Variants in PIAS1 observed in about 807,000 individuals in gnomAD.
The protein encoded by PIAS1 is protein inhibitor of activated STAT 1.
A neutral mutation model predicts 71.3 loss-of-function variants in PIAS1; 6 were observed. The ratio of observed to expected loss-of-function variants is 0.08; its 90% CI spans 0.05 to 0.17. The LOEUF (loss-of-function observed/expected upper bound fraction) is 0.17. PIAS1 is among the 10% of genes least tolerant of loss of function. PIAS1 has a pLI of 1.00. For synonymous variants in PIAS1, 303 were observed against 292.9 expected (o/e 1.03, Z -0.35); for missense variants, 555 against 793.6 (o/e 0.70, Z 3.61).
intron 2 of PIAS1, among the ~76,000 whole-genome samples, chr15:68,108,947 A>G (rs1163722918): frequency 6.6e-6 from 1 of 152,174 alleles, no homozygotes. Flanking sequence ...TTCCCTGTAT[A>G]ATATTCTGAA....
chr15:68,138,100 T>A (rs1282926638), intron 2 of PIAS1, among the ~76,000 whole-genome samples: 1 of 152,236 alleles, frequency 6.6e-6, no homozygotes, highest in East Asian at 1.9e-4. Flanking sequence ...CAGTGAGCTA[T>A]GATCATGCCA....
intron 7 of PIAS1, among the ~76,000 whole-genome samples, chr15:68,158,568 T>G (rs2092905779): frequency 6.6e-6 from 1 of 152,168 alleles, no homozygotes; most frequent in Non-Finnish European, 1.5e-5. Flanking sequence ...GAATTTAATC[T>G]TATTTTTTTT....
intron 1 of PIAS1, among the ~76,000 whole-genome samples, chr15:68,067,506 T>C (rs1179995755): frequency 2.0e-5 from 3 of 152,088 alleles, no homozygotes; most frequent in Non-Finnish European, 2.9e-5. Flanking sequence ...TTTGTTTCTC[T>C]TTATGGGGGG....
chr15:68,171,124 A>G lies in PIAS1; in HGVS notation c.1009-2608A>G, dbSNP rs1446050471. Among the ~76,000 whole-genome samples the G allele has an allele frequency of 6.6e-6, 1 of 151,892 alleles. No homozygotes were observed. The highest frequency in any genetic ancestry group is 1.9e-4 in the East Asian group (1 of 5,188). On this transcript the variant is annotated intron_variant, in intron 8 of 13. Coordinates refer to ENST00000249636, the MANE Select transcript of PIAS1 (RefSeq NM_016166.3). This position sits in a 1 kb window ranked among gnomAD's most constrained non-coding sequence, Gnocchi z 4.4. ...TTTTTACTTTTATTTTCTACTTTTT[A>G]AACTTTTTTGTTAAAAACAAAGACA...
At chr15:68,161,068 T>C (rs2092920557) in intron 7 of PIAS1, among the ~76,000 whole-genome samples, 4 of 152,116 alleles carry the variant, frequency 2.6e-5, no homozygotes, top group Admixed American at 2.6e-4. Context: ...CCAAAGAATC[T>C]CCAAAAAAGC....
intron 2 of PIAS1, chr15:68,087,828 T>C (rs768110892): frequency 2.7e-6 from 1 of 364,942 alleles, no homozygotes; most frequent in South Asian, 2.0e-5. Context: ...GTGTTTGTTT[T>C]TAATTATATT....
chr15:68,074,376 A>G (rs187342241), intron 1 of PIAS1, among the ~76,000 whole-genome samples: 162 of 152,306 alleles, frequency 1.1e-3, no homozygotes, highest in Middle Eastern at 6.8e-3. Flanking sequence ...TCTTCCGCCC[A>G]GGCTGGAGGC....
intron 8 of PIAS1, among the ~76,000 whole-genome samples, chr15:68,172,599 C>T (rs2092998463): frequency 6.6e-6 from 1 of 152,178 alleles, no homozygotes; most frequent in Non-Finnish European, 1.5e-5. Context: ...TTTTCAAGTT[C>T]ACAAATCTTT....
intron 1 of PIAS1, among the ~76,000 whole-genome samples, chr15:68,081,428 A>C (rs1214719811): frequency 1.3e-5 from 2 of 152,154 alleles, no homozygotes; most frequent in Non-Finnish European, 2.9e-5. Context: ...TCATCTTTTT[A>C]GTATCTTACT....
At chr15:68,102,491 G>A (rs1169462798) in intron 2 of PIAS1, among the ~76,000 whole-genome samples, 3 of 152,154 alleles carry the variant, frequency 2.0e-5, no homozygotes, top group Non-Finnish European at 4.4e-5. Context: ...GTCTTGCTGG[G>A]ATTTTGATAG....
chr15:68,105,975 C>T (rs1388011364), intron 2 of PIAS1, among the ~76,000 whole-genome samples: 5 of 152,070 alleles, frequency 3.3e-5, no homozygotes, highest in Admixed American at 6.5e-5. Flanking sequence ...GAAATTACCT[C>T]ACATAAACAT....
At position 68,188,079 on chromosome 15, in the gene PIAS1, AAG is replaced by A. The variant is rs1185087418; in HGVS notation, c.*246_*247del. ...AACACTTGTTTAAAAAAAAAAAGGA[AAG>A]AAAAGAAAAAAGAAAAACAAGCACC... On this transcript the variant is annotated 3_prime_UTR_variant, in exon 14 of 14. Transcript: ENST00000249636. 23 of 293,794 alleles carry A rather than the reference AAG, an allele frequency of 7.8e-5. No homozygotes were observed. The East Asian group carries it at 1.1e-3, about 15-fold the overall frequency. 18.2% of individuals were successfully genotyped at this position (293,794 alleles called of 1,614,324 possible). A position where few individuals can be genotyped will look rare whatever the true frequency, so the allele number is the denominator to read the frequency against.
At chr15:68,125,317 C>T (rs1264185675) in intron 2 of PIAS1, among the ~76,000 whole-genome samples, 2 of 152,144 alleles carry the variant, frequency 1.3e-5, no homozygotes, top group South Asian at 2.1e-4. Context: ...GCCTTCTGAA[C>T]TGATACTCTG....
In PIAS1 at chr15:68,186,925, T is replaced by TTTTTCAA. The variant is rs2093091669; in HGVS notation, c.1663-617_1663-616insTTTTCAA. ...ATGTTTGCACAGCCACAAAACCGCC[T>TTTTTCAA]AATGATGCATTTCTCAAAACACATC... On this transcript the variant is annotated intron_variant, in intron 13 of 13. Coordinates refer to ENST00000249636, the MANE Select transcript of PIAS1 (RefSeq NM_016166.3). This position sits in a 1 kb window ranked among gnomAD's most constrained non-coding sequence, Gnocchi z 4.4. Among the ~76,000 whole-genome samples the TTTTTCAA allele has an allele frequency of 6.6e-6, 1 of 152,242 alleles. No homozygotes were observed. The highest frequency in any genetic ancestry group is 1.5e-5 in the Non-Finnish European group (1 of 68,038).
intron 2 of PIAS1, among the ~76,000 whole-genome samples, chr15:68,140,514 G>A (rs922581081): frequency 1.3e-5 from 2 of 152,168 alleles, no homozygotes; most frequent in African/African-American, 2.4e-5. Context: ...TTTTCTGTTA[G>A]TGACTGCTCC....
At chr15:68,160,132 AT>A (rs2092915183) in intron 7 of PIAS1, among the ~76,000 whole-genome samples, 1 of 151,996 alleles carries the variant, frequency 6.6e-6, no homozygotes, top group South Asian at 2.1e-4. Context: ...TATCTGCCAA[AT>A]TTTTTGCCCA....
chr15:68,182,648 G>A (rs965497579), intron 12 of PIAS1, among the ~76,000 whole-genome samples: 2 of 152,114 alleles, frequency 1.3e-5, no homozygotes, highest in Non-Finnish European at 2.9e-5. Flanking sequence ...TCAAACTCCC[G>A]ACCTCAGGTG....
chr15:68,150,770 G>A (rs575733037), intron 6 of PIAS1, among the ~76,000 whole-genome samples: 43 of 152,194 alleles, frequency 2.8e-4, no homozygotes, highest in Non-Finnish European at 5.1e-4. Flanking sequence ...ATTCAAAACA[G>A]GATGCTCAAA....
chr15:68,076,821 A>G (rs78569229), intron 1 of PIAS1, among the ~76,000 whole-genome samples: 4,403 of 152,292 alleles, frequency 0.029, 238 homozygotes, highest in African/African-American at 0.1. Context: ...GTCATTAACT[A>G]TACTTGCATA....
Sources: allele counts gnomAD v4.1 joint callset (sites outside exome capture counted in the v4.1 genomes callset), GRCh38; gene constraint gnomAD v4.1.1; non-coding constraint Gnocchi (gnomAD v3.1); transcripts MANE v1.5; gene names NCBI Gene and HGNC (gene_info 2026-07-23, HGNC 2026-07-21).